The following CERT1 variants were observed in gnomAD, a reference collection of about 807,000 sequenced individuals.
CERT1 encodes ceramide transporter 1.
Under a neutral mutation model 87.9 loss-of-function variants are expected in CERT1, and 31 were observed. The ratio of observed to expected loss-of-function variants is 0.35; its 90% confidence interval spans 0.27 to 0.48. The LOEUF is 0.48. Ranked by LOEUF, CERT1 falls within the 20% of genes least tolerant of loss-of-function variation. The probability of loss-of-function intolerance (pLI) is 0.99; values close to 1 mark genes in which losing one functional copy is unlikely to be tolerated. For synonymous variants in CERT1, 289 were observed against 250.9 expected (o/e 1.15, Z -1.44); for missense variants, 487 against 758.0 (o/e 0.64, Z 4.20).
intron 11 of CERT1, 50 bp from the exon 12 acceptor site, chr5:75,389,737 C>A (rs190392954): frequency 1.8e-4 from 245 of 1,394,356 alleles, no homozygotes; most frequent in Admixed American, 8.1e-4. Flanking sequence ...ATGTCATAAT[C>A]TCTAAAACAG....
chr5:75,399,186 A>G, intron 11 of CERT1, 124 bp downstream of exon 11: 1 of 702,098 alleles, frequency 1.4e-6, no homozygotes, highest in Non-Finnish European at 2.6e-6. Context: ...TTAATGCTTA[A>G]TGTTACTATT....
At chr5:75,435,285 C>A (rs1764042045) in intron 3 of CERT1, among the ~76,000 whole-genome samples, 1 of 152,166 alleles carries the variant, frequency 6.6e-6, no homozygotes, top group Non-Finnish European at 1.5e-5. Context: ...TCCAGAAGTT[C>A]TGTTTGGTTC....
chr5:75,425,272 T>G, intron 5 of CERT1, 89 bp downstream of exon 5: 1 of 1,301,166 alleles, frequency 7.7e-7, no homozygotes, highest in Non-Finnish European at 1.1e-6. Flanking sequence ...ATAAACACCT[T>G]TATCACTTAA....
chr5:75,422,166 A>G (rs1368709776), intron 5 of CERT1, among the ~76,000 whole-genome samples: 1 of 152,032 alleles, frequency 6.6e-6, no homozygotes, highest in Non-Finnish European at 1.5e-5. Flanking sequence ...GGTATGATAC[A>G]ATTATTTCTT....
At chr5:75,426,966 C>T (rs1763643137) in intron 3 of CERT1, among the ~76,000 whole-genome samples, 1 of 152,164 alleles carries the variant, frequency 6.6e-6, no homozygotes, top group South Asian at 2.1e-4. Flanking sequence ...TAACACATCA[C>T]AATTACAGCA....
At chr5:75,381,343 AC>A in intron 15 of CERT1, 142 bp from the exon 16 acceptor site, 1 of 925,512 alleles carries the variant, frequency 1.1e-6, no homozygotes, top group Non-Finnish European at 1.6e-6. Flanking sequence ...CTGATATGAC[AC>A]CAGGATTCCT....
At chr5:75,442,839 A>G (rs554980827) in intron 3 of CERT1, among the ~76,000 whole-genome samples, 89 of 152,252 alleles carry the variant, frequency 5.8e-4, no homozygotes, top group African/African-American at 2.0e-3. Context: ...CATTCATGTA[A>G]CTTTTACTAT....
At chr5:75,377,302 T>C (rs957906011), downstream of CERT1, 1 of 152,216 alleles carries the variant, frequency 6.6e-6, no homozygotes, top group Non-Finnish European at 1.5e-5. Flanking sequence ...GCTGTTGAGA[T>C]GGTCAATTAC....
intron 3 of CERT1, among the ~76,000 whole-genome samples, chr5:75,444,781 G>A (rs543186104): frequency 7.0e-4 from 106 of 152,026 alleles, no homozygotes; most frequent in Non-Finnish European, 8.2e-4. Flanking sequence ...TCTTGACCTC[G>A]TGATCTGCCC....
chr5:75,458,398 T>C (rs997894843), intron 3 of CERT1, among the ~76,000 whole-genome samples: 3 of 152,226 alleles, frequency 2.0e-5, no homozygotes, highest in Non-Finnish European at 4.4e-5. Flanking sequence ...TTGAAACTTT[T>C]ATAAGTTGGG....
rs769195277 is a variant in CERT1, at chr5:75,511,094, G to A, written c.96+18C>T. On this transcript the variant is annotated intron_variant, in intron 1 of 16. Transcript: ENST00000643780. ...GGTGAGTCTGGCCAGGGGTCCCTTGGCACCAGGGGTTGCTCACCTTACTGA... is the reference window on the plus strand; with the variant it reads ...GGTGAGTCTGGCCAGGGGTCCCTTGACACCAGGGGTTGCTCACCTTACTGA... The A allele has an allele frequency of 1.3e-6, 2 of 1,531,088 alleles. No individual in the cohort carries two copies. Among genetic ancestry groups the A allele is most frequent in the African/African-American group, 2.8e-5 (2 of 72,226 alleles). 94.8% of individuals were successfully genotyped at this position (1,531,088 alleles called of 1,614,324 possible). A position where few individuals can be genotyped will look rare whatever the true frequency, so the allele number is the denominator to read the frequency against.
intron 11 of CERT1, among the ~76,000 whole-genome samples, chr5:75,398,884 G>C (rs1762361151): frequency 6.6e-6 from 1 of 152,186 alleles, no homozygotes; most frequent in Non-Finnish European, 1.5e-5. Flanking sequence ...TTATTAAAAA[G>C]TGATTTCCTT....
chr5:75,451,622 G>A (rs1764772543), intron 3 of CERT1, among the ~76,000 whole-genome samples: 1 of 152,138 alleles, frequency 6.6e-6, no homozygotes, highest in African/African-American at 2.4e-5. Context: ...TAATTTATAA[G>A]GCAGATAAGT....
intron 2 of CERT1, among the ~76,000 whole-genome samples, chr5:75,491,898 CTT>C (rs1356105128): frequency 6.6e-6 from 1 of 152,172 alleles, no homozygotes; most frequent in Non-Finnish European, 1.5e-5. Flanking sequence ...ATTCTGAACT[CTT>C]TGAGTCAAGG....
intron 17 of CERT1, chr5:75,370,463 T>C (rs539465614): frequency 2.6e-5 from 4 of 152,348 alleles, no homozygotes; most frequent in East Asian, 3.9e-4. Context: ...AGCACTGTGC[T>C]TCCATTTTAG....
At chr5:75,499,846 C>T (rs1467331234) in intron 2 of CERT1, among the ~76,000 whole-genome samples, 1 of 152,154 alleles carries the variant, frequency 6.6e-6, no homozygotes, top group Non-Finnish European at 1.5e-5. Context: ...TTAACAGATA[C>T]TTTGTGTTAC....
chr5:75,392,192 T>C (rs568931176), intron 11 of CERT1, among the ~76,000 whole-genome samples: 14 of 152,198 alleles, frequency 9.2e-5, no homozygotes, highest in Non-Finnish European at 1.3e-4. Flanking sequence ...ACATTTAACA[T>C]TGTCTTTCTA....
chr5:75,394,719 G>A (rs1351257245), intron 11 of CERT1, among the ~76,000 whole-genome samples: 1 of 151,828 alleles, frequency 6.6e-6, no homozygotes, highest in South Asian at 2.1e-4. Context: ...GCAAAACCCT[G>A]TATCAAAATT....
intron 16 of CERT1, among the ~76,000 whole-genome samples, chr5:75,380,788 A>G (rs2111989372): frequency 6.6e-6 from 1 of 151,554 alleles, no homozygotes; most frequent in South Asian, 2.1e-4. Flanking sequence ...AAAAAAAAAA[A>G]AAAAAAAAAA....
Sources: gnomAD v4.1 joint callset for allele counts (sites outside exome capture counted in the v4.1 genomes callset) on GRCh38, gnomAD v4.1.1 for gene constraint, MANE v1.5 for transcripts, NCBI Gene and HGNC (gene_info 2026-07-23, HGNC 2026-07-21) for gene names.